CCDC171: variants seen among roughly 807,000 people sequenced by gnomAD.
CCDC171 encodes coiled-coil domain containing 171, also known as coiled-coil domain-containing protein 171.
CCDC171 carries 177 observed loss-of-function variants against 168.2 expected under a neutral mutation model. The ratio of observed to expected loss-of-function variants is 1.05; its 90% CI spans 0.93 to 1.19. CCDC171 has a LOEUF of 1.19. CCDC171 is among the 50% of genes most tolerant of loss of function. CCDC171 has a pLI of 0.00. For missense variants in CCDC171, 1,991 were observed against 1,539.0 expected, an observed-to-expected ratio of 1.29 and a Z score of -4.91; for synonymous variants, 687 against 540.8, an observed-to-expected ratio of 1.27 and a Z score of -3.75.
chr9:15,941,329 A>G (rs1361911000), intron 25 of CCDC171, among the ~76,000 whole-genome samples: 1 of 152,024 alleles, frequency 6.6e-6, no homozygotes, highest in African/African-American at 2.4e-5. Flanking sequence ...ATACTTGGTT[A>G]ACTTATTACT....
intron 18 of CCDC171, among the ~76,000 whole-genome samples, chr9:15,751,582 A>T (rs2134847572): frequency 1.3e-5 from 2 of 152,248 alleles, no homozygotes; most frequent in Non-Finnish European, 2.9e-5. Flanking sequence ...ATGCAACAGA[A>T]CAGAGGCCTC....
intron 21 of CCDC171, among the ~76,000 whole-genome samples, chr9:15,816,724 G>A (rs2059573937): frequency 8.5e-6 from 1 of 117,988 alleles, no homozygotes; most frequent in Admixed American, 8.0e-5. Flanking sequence ...TCAGAGAGAT[G>A]AAACAAGGAC....
chr9:15,851,788 G>T (rs1339848090), intron 23 of CCDC171, among the ~76,000 whole-genome samples: 3 of 151,688 alleles, frequency 2.0e-5, no homozygotes, highest in African/African-American at 7.3e-5. Context: ...TGTCTCTATG[G>T]ATTTTTCTGT....
chr9:15,904,792 A>G (rs1475598697), intron 24 of CCDC171, among the ~76,000 whole-genome samples: 1 of 151,932 alleles, frequency 6.6e-6, no homozygotes, highest in African/African-American at 2.4e-5. Context: ...ACGTGCAGAG[A>G]CACACATAGG....
intron 21 of CCDC171, among the ~76,000 whole-genome samples, chr9:15,823,692 C>A (rs370505108): frequency 6.6e-6 from 1 of 152,132 alleles, no homozygotes; most frequent in East Asian, 1.9e-4. Flanking sequence ...GCTTGATTCC[C>A]TTTGGGCCCT....
At chr9:16,073,684 C>T in the CCDC171 span, among the ~76,000 whole-genome samples, 1 of 152,166 alleles carries the variant, frequency 6.6e-6, no homozygotes, top group Non-Finnish European at 1.5e-5. Context: ...GGTGGCAAAC[C>T]TCACCAAATC....
rs201623961 is a variant in CCDC171, at chr9:15,971,817, C to G, written c.3962C>G (p.Pro1321Arg). The G allele has an allele frequency of 1.7e-5, 28 of 1,611,814 alleles. No individual in the cohort carries two copies. The African/African-American group carries it at 3.7e-4, about 22-fold the overall frequency. Reference protein sequence around the residue: ...PVTMSANANRPTQIGL With the variant: ...PVTMSANANRRTQIGL The stretch of plus-strand genomic sequence containing the variant: ...ACTATGTCTGCTAATGCCAACAGAC[C>G]AACTCAGATTGGATTATGACTTCAT... Residue 1321 changes from proline to arginine, a missense_variant, in exon 26 of 26, where the codon CCA becomes CGA. By Grantham distance (103) the Pro-to-Arg change is moderately radical. Coordinates refer to ENST00000380701, the MANE Select transcript of CCDC171 (RefSeq NM_173550.4).
chr9:15,803,711 CTTTT>C (rs1241246095), intron 21 of CCDC171, among the ~76,000 whole-genome samples: 1 of 150,976 alleles, frequency 6.6e-6, no homozygotes. Context: ...CTCCAGTTTT[CTTTT>C]TTATTGTTGT....
intron 25 of CCDC171, among the ~76,000 whole-genome samples, chr9:15,969,819 T>C (rs986834659): frequency 6.6e-6 from 1 of 152,146 alleles, no homozygotes; most frequent in Non-Finnish European, 1.5e-5. Flanking sequence ...AATCCAGTAA[T>C]GACACTGCTA....
chr9:15,996,450 C>T (rs909713645), intron 3 of CCDC171, among the ~76,000 whole-genome samples: 29 of 87,238 alleles, frequency 3.3e-4, no homozygotes, highest in African/African-American at 1.3e-3. Flanking sequence ...TTGCGGGGGG[C>T]GGACATTGGA....
At chr9:15,847,178 A>G (rs2060934457) in intron 22 of CCDC171, among the ~76,000 whole-genome samples, 1 of 152,078 alleles carries the variant, frequency 6.6e-6, no homozygotes, top group African/African-American at 2.4e-5. Flanking sequence ...CTTCTGTTAT[A>G]CATTCCTATT....
At chr9:15,557,606 G>C (rs1003710357) in intron 1 of CCDC171, among the ~76,000 whole-genome samples, 22 of 152,294 alleles carry the variant, frequency 1.4e-4, no homozygotes, top group African/African-American at 5.3e-4. Context: ...AGACTTTGCT[G>C]AAGTTGCTTA....
intron 11 of CCDC171, among the ~76,000 whole-genome samples, chr9:15,718,597 C>G (rs2053245224): frequency 6.6e-6 from 1 of 152,256 alleles, no homozygotes; most frequent in South Asian, 2.1e-4. Context: ...GCTTGTGTCA[C>G]TTCTCCCCCA....
chr9:15,614,340 A>G lies in CCDC171; in HGVS notation c.676-8927A>G, dbSNP rs537814226. On this transcript the variant is annotated intron_variant, in intron 6 of 25. Transcript: ENST00000380701. ...GCTAGGCTGCTGGATTCCATAAGCT[A>G]CTACTATTCTGAGGCAATTGATTTT... Among the ~76,000 whole-genome samples, 26 of 152,266 alleles carry G rather than the reference A, an allele frequency of 1.7e-4. No individual in the cohort carries two copies. The South Asian group carries it at 4.6e-3, about 27-fold the overall frequency.
intron 20 of CCDC171, among the ~76,000 whole-genome samples, chr9:15,780,536 AT>A (rs903571781): frequency 2.0e-4 from 31 of 152,244 alleles, no homozygotes; most frequent in Middle Eastern, 6.8e-3. Flanking sequence ...AATTATATTT[AT>A]TTTAAAAACG....
At chr9:15,902,245 CATATATATATATATATGT>C (rs199888330) in intron 24 of CCDC171, among the ~76,000 whole-genome samples, 9 of 107,478 alleles carry the variant, frequency 8.4e-5, no homozygotes, top group African/African-American at 2.6e-4. Flanking sequence ...CTATAAAATT[CATATATATATATATATGT>C]ATATATATAT....
chr9:15,675,811 C>T (rs2049506285), intron 9 of CCDC171, among the ~76,000 whole-genome samples: 2 of 152,070 alleles, frequency 1.3e-5, no homozygotes, highest in South Asian at 4.2e-4. Context: ...AACATTTTTT[C>T]CTTCATTTCA....
intron 25 of CCDC171, among the ~76,000 whole-genome samples, chr9:15,963,827 G>T (rs1486914031): frequency 1.3e-5 from 2 of 152,130 alleles, no homozygotes; most frequent in African/African-American, 4.8e-5. Context: ...TACCTGGGCT[G>T]CTCAGGAAAC....
chr9:15,829,180 C>T (rs1255484425), intron 21 of CCDC171, among the ~76,000 whole-genome samples: 5 of 152,246 alleles, frequency 3.3e-5, no homozygotes, highest in East Asian at 3.9e-4. Flanking sequence ...GTAATTTGAC[C>T]GTTTCCTCAG....
Sources: gnomAD v4.1 joint callset for allele counts (sites outside exome capture counted in the v4.1 genomes callset) on GRCh38, gnomAD v4.1.1 for gene constraint, MANE v1.5 for transcripts, NCBI Gene and HGNC (gene_info 2026-07-23, HGNC 2026-07-21) for gene names.